Variants in AXDND1 observed in about 807,000 individuals in gnomAD.
AXDND1 encodes axonemal dynein light chain domain containing 1, also known as axonemal dynein light chain domain-containing protein 1.
AXDND1 carries 110 observed loss-of-function variants against 137.5 expected under a neutral mutation model. The observed-to-expected ratio is 0.80, with a 90% confidence interval of 0.69 to 0.94. AXDND1 has a LOEUF of 0.94. Ranked by LOEUF, AXDND1 falls within the 40% of genes least tolerant of loss-of-function variation. The pLI is 0.00. For missense variants in AXDND1, 1,191 were observed against 1,169.8 expected, an observed-to-expected ratio of 1.02 and a Z score of -0.26; for synonymous variants, 414 against 399.7, an observed-to-expected ratio of 1.04 and a Z score of -0.43.
intron 15 of AXDND1, among the ~76,000 whole-genome samples, chr1:179,444,340 A>G (rs1452735822): frequency 1.3e-5 from 2 of 152,132 alleles, no homozygotes; most frequent in Non-Finnish European, 2.9e-5. Context: ...CAGAGTCAGA[A>G]TTTGAGTCCA....
chr1:179,386,230 A>T (rs1649199087), intron 9 of AXDND1, among the ~76,000 whole-genome samples: 1 of 151,614 alleles, frequency 6.6e-6, no homozygotes, highest in South Asian at 2.1e-4. Context: ...TTTGTATATT[A>T]GTAGAGACGG....
At chr1:179,485,107 AC>A (rs145276411) in intron 18 of AXDND1, among the ~76,000 whole-genome samples, 1 of 152,076 alleles carries the variant, frequency 6.6e-6, no homozygotes, top group East Asian at 1.9e-4. Flanking sequence ...TTGGTGGGCT[AC>A]CCCCTGCAAC....
chr1:179,368,712 C>G (rs1200657498), intron 2 of AXDND1, 88 bp from the exon 3 acceptor site: 1 of 1,044,806 alleles, frequency 9.6e-7, no homozygotes, highest in Non-Finnish European at 1.4e-6. Flanking sequence ...CTGTTAGAAA[C>G]AGATGGGATT....
intron 15 of AXDND1, among the ~76,000 whole-genome samples, chr1:179,438,555 T>C (rs1462827533): frequency 6.6e-6 from 1 of 152,188 alleles, no homozygotes; most frequent in Non-Finnish European, 1.5e-5. Flanking sequence ...AAAATTATCA[T>C]GCTTAAGGCT....
chr1:179,482,979 G>T (rs1048522959), intron 17 of AXDND1, 149 bp from the exon 18 acceptor site: 8 of 487,176 alleles, frequency 1.6e-5, no homozygotes, highest in African/African-American at 1.6e-4. Context: ...ATAATTCAGG[G>T]CTTTGATTCC....
At chr1:179,514,976 G>A (rs1669394986) in intron 21 of AXDND1, among the ~76,000 whole-genome samples, 3 of 152,110 alleles carry the variant, frequency 2.0e-5, no homozygotes, top group Admixed American at 2.0e-4. Context: ...TGAGTATCCT[G>A]AAGGGAGCAG....
At chr1:179,500,381 G>A (rs1292320943) in intron 20 of AXDND1, among the ~76,000 whole-genome samples, 1 of 141,842 alleles carries the variant, frequency 7.1e-6, no homozygotes, top group African/African-American at 2.6e-5. Context: ...GTGTGTGTGT[G>A]TATTGCCTGC....
chr1:179,461,696 T>A (rs189509433), intron 16 of AXDND1, among the ~76,000 whole-genome samples: 13 of 152,344 alleles, frequency 8.5e-5, no homozygotes, highest in African/African-American at 2.9e-4. Flanking sequence ...TGGAGTGTTC[T>A]GCCGTTTGTC....
chr1:179,369,067 G>T (rs1307985671), intron 3 of AXDND1, 95 bp downstream of exon 3: 2 of 1,258,392 alleles, frequency 1.6e-6, no homozygotes, highest in African/African-American at 3.0e-5. Flanking sequence ...ATATATTCCA[G>T]ATAGCCTTAA....
chr1:179,516,591 G>A (rs1669561677), intron 21 of AXDND1, among the ~76,000 whole-genome samples: 1 of 152,218 alleles, frequency 6.6e-6, no homozygotes, highest in Non-Finnish European at 1.5e-5. Context: ...GGCTCTGTCA[G>A]AGGGAAGGTA....
At chr1:179,398,294 C>T (rs1651381390) in intron 11 of AXDND1, among the ~76,000 whole-genome samples, 1 of 152,116 alleles carries the variant, frequency 6.6e-6, no homozygotes, top group Non-Finnish European at 1.5e-5. Flanking sequence ...CCGTGTACTC[C>T]AACTCTGGGG....
chr1:179,412,278 A>G (rs11586523), intron 12 of AXDND1, among the ~76,000 whole-genome samples: 97,730 of 151,998 alleles, frequency 0.64, 31,798 homozygotes, highest in Middle Eastern at 0.7. Context: ...TTTCTAAAAT[A>G]TTTACTTGTT....
At chr1:179,544,044 G>GCT (rs1346075878) in intron 25 of AXDND1, 1 of 152,538 alleles carries the variant, frequency 6.6e-6, no homozygotes, top group Non-Finnish European at 1.5e-5. Flanking sequence ...GTTCACAATG[G>GCT]CTCTATCCAC....
chr1:179,500,300 GTA>G (rs201532476), intron 20 of AXDND1, among the ~76,000 whole-genome samples: 9 of 137,722 alleles, frequency 6.5e-5, no homozygotes, highest in Middle Eastern at 3.7e-3. Context: ...GGCTATATAT[GTA>G]TATATATATA....
chr1:179,434,410 T>G (rs998481650), intron 15 of AXDND1, among the ~76,000 whole-genome samples: 5 of 152,098 alleles, frequency 3.3e-5, no homozygotes, highest in African/African-American at 1.2e-4. Flanking sequence ...AAAAGAAAAC[T>G]TCAGGCCAGT....
At chr1:179,411,330 A>C in intron 12 of AXDND1, 64 bp downstream of exon 12, 1 of 1,519,888 alleles carries the variant, frequency 6.6e-7, no homozygotes, top group Non-Finnish European at 8.8e-7. Context: ...CTACAGTTTT[A>C]AAATTTGTTT....
rs145097220 is a variant in AXDND1 at position 179,448,623 on chromosome 1, G to A, written c.1798+3419G>A. 2,012 of 251,576 alleles carry A rather than the reference G, an allele frequency of 8.0e-3. 58 individuals are homozygous for A. The highest frequency in any genetic ancestry group is 0.056 in the Admixed American group (1,096 of 19,424). 15.6% of individuals were successfully genotyped at this position (251,576 alleles called of 1,614,324 possible). A position where few individuals can be genotyped will look rare whatever the true frequency, so the allele number is the denominator to read the frequency against. ...CACGCACACGCTGCAGCCTGGGCCCGCCGCCAGCGCTCCGCACTGCCTGGA... is the reference window on the plus strand; with the variant it reads ...CACGCACACGCTGCAGCCTGGGCCCACCGCCAGCGCTCCGCACTGCCTGGA... On this transcript the variant is annotated intron_variant, in intron 16 of 25. Coordinates refer to ENST00000367618, the MANE Select transcript of AXDND1 (RefSeq NM_144696.6).
chr1:179,421,035 C>CCCAT (rs1553266118), intron 12 of AXDND1, among the ~76,000 whole-genome samples: 1 of 134,692 alleles, frequency 7.4e-6, no homozygotes, highest in Admixed American at 7.5e-5. Flanking sequence ...ATTTGGGTAT[C>CCCAT]CCTTCCTTCC....
At chr1:179,465,318 G>A (rs966984774) in intron 16 of AXDND1, among the ~76,000 whole-genome samples, 65 of 152,302 alleles carry the variant, frequency 4.3e-4, no homozygotes, top group African/African-American at 1.4e-3. Flanking sequence ...TGTCCTTTCT[G>A]TTTGTTAGTT....
Sources: gnomAD v4.1 joint callset for allele counts (sites outside exome capture counted in the v4.1 genomes callset) on GRCh38, gnomAD v4.1.1 for gene constraint, MANE v1.5 for transcripts, NCBI Gene and HGNC (gene_info 2026-07-23, HGNC 2026-07-21) for gene names.